The following MFSD12 variants were observed in gnomAD, a reference collection of about 807,000 sequenced individuals.
The protein encoded by MFSD12 is major facilitator superfamily domain containing 12, also known as major facilitator superfamily domain-containing protein 12.
In MFSD12, 67 loss-of-function variants were observed where a neutral mutation model predicts 51.2. That is an observed-to-expected ratio of 1.31 (90% CI 1.08 to 1.60). MFSD12 has a LOEUF of 1.60. Among genes scored for constraint, MFSD12 ranks in the 40% most tolerant of loss-of-function variants. The pLI, the probability that MFSD12 is intolerant of heterozygous loss-of-function variation, is 0.00. For missense variants in MFSD12, 921 were observed against 673.0 expected (o/e 1.37, Z -4.08); for synonymous variants, 441 against 316.7 (o/e 1.39, Z -4.17).
At chr19:3,542,293 CTA>C (rs969965462), downstream of MFSD12, 11 of 985,348 alleles carry the variant, frequency 1.1e-5, no homozygotes, top group Non-Finnish European at 1.2e-5. Context: ...ACCTGGGAGT[CTA>C]GTCAGGATTT....
At chr19:3,544,017 G>C (rs749925402), downstream of MFSD12, 1 of 1,530,590 alleles carries the variant, frequency 6.5e-7, no homozygotes, top group South Asian at 1.2e-5. Context: ...ATAAAGGCAT[G>C]CTACCAGGAT....
downstream of MFSD12, chr19:3,543,394 G>C (rs779204737): frequency 1.9e-5 from 29 of 1,548,740 alleles, no homozygotes; most frequent in Non-Finnish European, 2.5e-5. Context: ...ACCTGCCACG[G>C]GCCCCGGCCA....
Position 3,544,457 on chromosome 19 carries a change from C to G in MFSD12, c.*253G>C. On this transcript the variant is annotated 3_prime_UTR_variant, in exon 10 of 10. Transcript: ENST00000355415. Reference sequence around the variant, plus strand: ...TCCTGTTCCCTGCCGAGAGGGGCACCCCAAATCCTCCAGAGGGCTGGGATG... The same window carrying G: ...TCCTGTTCCCTGCCGAGAGGGGCACGCCAAATCCTCCAGAGGGCTGGGATG... The G allele has an allele frequency of 7.4e-7, 1 of 1,349,424 alleles. No individual in the cohort carries two copies. The highest frequency in any genetic ancestry group is 9.5e-7 in the Non-Finnish European group (1 of 1,053,210). 83.6% of individuals were successfully genotyped at this position (1,349,424 alleles called of 1,614,324 possible).
At position 3,557,287 on chromosome 19, in the gene MFSD12, C is replaced by A; in HGVS notation, c.117G>T (p.Trp39Cys). ...GCAGGTAGAGCAGCAGGTAGGTGAACCACATGGACGCGCACAGGTCGTTGA... is the reference window on the plus strand; with the variant it reads ...GCAGGTAGAGCAGCAGGTAGGTGAAACACATGGACGCGCACAGGTCGTTGA... ...HFLNDLCASM[W>C]FTYLLLYLHS... Residue 39 changes from tryptophan to cysteine, a missense_variant, in exon 1 of 10, where the codon TGG becomes TGT. Coordinates refer to ENST00000355415, the MANE Select transcript of MFSD12 (RefSeq NM_174983.5). 6.3e-7 allele frequency: 1 copy of A among 1,597,490 alleles called. No homozygotes were observed. The highest frequency in any genetic ancestry group is 1.1e-5 in the South Asian group (1 of 88,428).
intron 1 of MFSD12, among the ~76,000 whole-genome samples, chr19:3,555,050 T>C (rs1638539): frequency 0.63 from 95,852 of 152,134 alleles, 31,056 homozygotes; most frequent in East Asian, 0.85. Context: ...TTCCCTGAGG[T>C]CTGCTTTGGA....
At chr19:3,544,109 G>A (rs1470057518), downstream of MFSD12, 6 of 1,422,308 alleles carry the variant, frequency 4.2e-6, no homozygotes, top group Non-Finnish European at 5.6e-6. Context: ...GGCAGACACT[G>A]GGCTCGCTGG....
intron 2 of MFSD12, 44 bp downstream of exon 2, chr19:3,550,940 C>T (rs1212158975): frequency 2.6e-6 from 4 of 1,564,140 alleles, no homozygotes; most frequent in South Asian, 2.3e-5. Context: ...ATACACCGAG[C>T]CGGGGCCCAC....
In MFSD12 at chr19:3,557,575, G is replaced by C. The variant is rs1166371736; in HGVS notation, c.-172C>G. The C allele has an allele frequency of 3.8e-6, 1 of 266,470 alleles. No homozygotes were observed. The highest frequency in any genetic ancestry group is 6.5e-6 in the Non-Finnish European group (1 of 154,858). 16.5% of individuals were successfully genotyped at this position (266,470 alleles called of 1,614,324 possible). On this transcript the variant is annotated 5_prime_UTR_variant, in exon 1 of 10. Transcript: ENST00000355415. ...CCCACGTCCGCCGCGTCCGCCCCAC[G>C]CTCGACTCTGCAGCCGCCGGGCCCC...
intron 1 of MFSD12, among the ~76,000 whole-genome samples, chr19:3,553,875 A>T (rs748079296): frequency 3.3e-5 from 5 of 151,488 alleles, no homozygotes; most frequent in African/African-American, 1.2e-4. Context: ...TGAGGTCAGG[A>T]GTTCGAGACC....
At chr19:3,539,569 G>A, downstream of MFSD12, 2 of 372,704 alleles carry the variant, frequency 5.4e-6, no homozygotes. Context: ...GTGCGGGGCT[G>A]GGCCCTTCTG....
rs113595544 is a variant in MFSD12 at position 3,544,869 on chromosome 19, C to T, written c.1360G>A (p.Gly454Ser). The T allele has an allele frequency of 1.8e-4, 291 of 1,611,432 alleles. 11 individuals are homozygous for T. The African/African-American group carries it at 2.5e-3, about 14-fold the overall frequency. The change falls in exon 9 of 10, where the codon GGC becomes AGC. Residue 454 changes from glycine to serine, a missense_variant. Transcript: ENST00000355415. ...CAGAGACACAGGGCAGCGGCCACGCCCACGCCGCCCGTCACAGCCACCATC... is the reference window on the plus strand; with the variant it reads ...CAGAGACACAGGGCAGCGGCCACGCTCACGCCGCCCGTCACAGCCACCATC... ...WAMVAVTGGV[G>S]VAAALCLCSL...
downstream of MFSD12, chr19:3,543,632 T>TG: frequency 1.3e-6 from 2 of 1,543,738 alleles, no homozygotes; most frequent in Non-Finnish European, 1.7e-6. Flanking sequence ...CAGCACCCGG[T>TG]GGGGGAGCGC....
Position 3,551,446 on chromosome 19 carries a change from C to A in MFSD12, c.299-252G>T, listed in dbSNP as rs1371438066. On this transcript the variant is annotated intron_variant, in intron 1 of 9. Coordinates refer to ENST00000355415, the MANE Select transcript of MFSD12 (RefSeq NM_174983.5). This position sits in a 1 kb window ranked among gnomAD's most constrained non-coding sequence, Gnocchi z 4.6. ...TCAGAAGAAGCCAGGCGCAGGGGGT[C>A]CCCCGGAAACCTGCCCCCCACAGGT... 6.6e-6 allele frequency among the ~76,000 whole-genome samples: 1 copy of A among 152,162 alleles called. No individual in the cohort carries two copies. Among genetic ancestry groups the A allele is most frequent in the Non-Finnish European group, 1.5e-5 (1 of 68,010 alleles).
At position 3,547,944 on chromosome 19, in the gene MFSD12, C is replaced by T. The variant is rs369703398; in HGVS notation, c.741G>A (p.Ala247=). 2.4e-5 allele frequency: 39 copies of T among 1,593,210 alleles called. No individual in the cohort carries two copies. Among genetic ancestry groups the T allele is most frequent in the East Asian group, 2.2e-4 (10 of 44,744 alleles). ...GGGGGGTGTGCTCGCCTGGCTCCTCCGCATGCGGCCGGCGCCTCTCCCGGG... is the reference window on the plus strand; with the variant it reads ...GGGGGGTGTGCTCGCCTGGCTCCTCTGCATGCGGCCGGCGCCTCTCCCGGG... ...LGTRERRRPH[A]EEPGEHTPLL... is the part of the protein sequence containing the mutation. Residue 247 remains alanine (A), a synonymous_variant, in exon 4 of 10, where the codon GCG becomes GCA. Coordinates refer to ENST00000355415, the MANE Select transcript of MFSD12 (RefSeq NM_174983.5).
Position 3,546,274 on chromosome 19 carries a change from T to C in MFSD12, c.1175A>G (p.Asp392Gly), listed in dbSNP as rs2031035401. ...CCCTACCGTGTGGGGACCGATGAGG[T>C]CGGCCGTCATGGCCAGCGAGGTGAC... ...ILVTSLAMTADLIGPHTNSGA... is the reference protein window; with the variant it reads ...ILVTSLAMTAGLIGPHTNSGA... The change falls in exon 7 of 10, where the codon GAC becomes GGC. Residue 392 changes from aspartate to glycine, a missense_variant. By Grantham distance (94) the Asp-to-Gly change is moderately conservative. Transcript: ENST00000355415. 1.2e-6 allele frequency: 2 copies of C among 1,610,414 alleles called. No homozygotes were observed. The highest frequency in any genetic ancestry group is 1.7e-6 in the Non-Finnish European group (2 of 1,179,162).
At chr19:3,541,515 G>T, downstream of MFSD12, 1 of 239,668 alleles carries the variant, frequency 4.2e-6, no homozygotes, top group Non-Finnish European at 6.7e-6. Context: ...TAGAGACAGT[G>T]TTTCACCATG....
Position 3,556,543 on chromosome 19 carries a change from G to A in MFSD12, c.298+563C>T, listed in dbSNP as rs1446286905. Among the ~76,000 whole-genome samples the A allele has an allele frequency of 4.0e-5, 6 of 151,384 alleles. No individual in the cohort carries two copies. The East Asian group carries it at 1.2e-3, about 29-fold the overall frequency. On this transcript the variant is annotated intron_variant, in intron 1 of 9. Coordinates refer to ENST00000355415, the MANE Select transcript of MFSD12 (RefSeq NM_174983.5). ...AAGCCCTGCACAGTTGGACAGATGG[G>A]GGAGGCACTGCACAGTCAGACAGAT...
intron 8 of MFSD12, 137 bp from the exon 9 acceptor site, chr19:3,545,076 T>C (rs1304433716): frequency 4.4e-6 from 5 of 1,136,252 alleles, no homozygotes; most frequent in Non-Finnish European, 6.1e-6. Context: ...TGCCACTCCC[T>C]CCCTCCTGTC....
At chr19:3,538,940 G>A in intron 4 of MFSD12, 1 of 647,914 alleles carries the variant, frequency 1.5e-6, no homozygotes, top group South Asian at 1.7e-5. Context: ...GCATAGAGCT[G>A]GGGGCTCAGG....
Sources: allele counts gnomAD v4.1 joint callset (sites outside exome capture counted in the v4.1 genomes callset), GRCh38; gene constraint gnomAD v4.1.1; non-coding constraint Gnocchi (gnomAD v3.1); transcripts MANE v1.5; gene names NCBI Gene and HGNC (gene_info 2026-07-23, HGNC 2026-07-21).